The following DRAM2 variants were observed in gnomAD, a reference collection of about 807,000 sequenced individuals.
The protein encoded by DRAM2 is DNA damage regulated autophagy modulator 2, also known as DNA damage-regulated autophagy modulator protein 2.
DRAM2 carries 26 observed loss-of-function variants against 33.5 expected under a neutral mutation model. The ratio of observed to expected loss-of-function variants is 0.78; its 90% CI spans 0.57 to 1.08. The LOEUF (loss-of-function observed/expected upper bound fraction) is 1.08. Among genes scored for constraint, DRAM2 ranks in the 50% least tolerant of loss-of-function variants. The pLI, the probability that DRAM2 is intolerant of heterozygous loss-of-function variation, is 0.00. For synonymous variants in DRAM2, 98 were observed against 109.5 expected (o/e 0.89, Z 0.66); for missense variants, 311 against 318.1 (o/e 0.98, Z 0.17).
chr1:111,128,951 A>C (rs555074421), intron 4 of DRAM2, among the ~76,000 whole-genome samples: 9 of 152,336 alleles, frequency 5.9e-5, no homozygotes, highest in African/African-American at 2.2e-4. Flanking sequence ...TAGGCTACAT[A>C]TTCCACTAGC....
Position 111,126,120 on chromosome 1 carries a change from C to G in DRAM2, c.199+107G>C, listed in dbSNP as rs537617366. 12 of 700,878 alleles carry G rather than the reference C, an allele frequency of 1.7e-5. 1 individual carries two copies. The highest frequency in any genetic ancestry group is 5.9e-4 in the Middle Eastern group (2 of 3,410). 43.4% of individuals were successfully genotyped at this position (700,878 alleles called of 1,614,324 possible). ...TGATCAATTATTTAGTGATAACATACTCTCAAGTATAACTAGAAAGTAAAA... is the reference window on the plus strand; with the variant it reads ...TGATCAATTATTTAGTGATAACATAGTCTCAAGTATAACTAGAAAGTAAAA... On this transcript the variant is annotated intron_variant, in intron 5 of 9. Transcript: ENST00000484310.
At chr1:111,121,419 C>T (rs56273356) in intron 6 of DRAM2, among the ~76,000 whole-genome samples, 26,365 of 151,850 alleles carry the variant, frequency 0.17, 2,722 homozygotes, top group South Asian at 0.32. Flanking sequence ...TCTGGCCTCC[C>T]GAACTTTGAC....
At chr1:111,131,297 T>G (rs1652022311) in intron 4 of DRAM2, 127 bp downstream of exon 4, 2 of 1,026,850 alleles carry the variant, frequency 1.9e-6, no homozygotes, top group South Asian at 2.1e-5. Flanking sequence ...CTTTTTATAT[T>G]CCCTTTATTG....
intron 2 of DRAM2, among the ~76,000 whole-genome samples, chr1:111,138,757 C>G (rs1171090624): frequency 6.6e-6 from 1 of 152,164 alleles, no homozygotes; most frequent in Non-Finnish European, 1.5e-5. Context: ...GCACTCCAGC[C>G]TGGCAACAGA....
At position 111,139,622 on chromosome 1, in the gene DRAM2, A is replaced by C. The variant is rs1654111107; in HGVS notation, c.-200T>G. 2 of 152,252 alleles carry C rather than the reference A, an allele frequency of 1.3e-5. No individual in the cohort carries two copies. The highest frequency in any genetic ancestry group is 4.8e-5 in the African/African-American group (2 of 41,458). The allele number at this position is 152,252 out of a possible 1,614,324, so 9.4% of individuals were successfully genotyped here. A position where few individuals can be genotyped will look rare whatever the true frequency, so the allele number is the denominator to read the frequency against. ...TAATTAGACCGCTGATTTTCTCCGGAAGCGCGAAGCACTAGGCCGTTTGAG... is the reference window on the plus strand; with the variant it reads ...TAATTAGACCGCTGATTTTCTCCGGCAGCGCGAAGCACTAGGCCGTTTGAG... On this transcript the variant is annotated 5_prime_UTR_variant, in exon 2 of 10. Transcript: ENST00000484310.
intron 4 of DRAM2, among the ~76,000 whole-genome samples, chr1:111,130,716 T>A (rs7519518): frequency 0.17 from 22,945 of 137,720 alleles, 2,345 homozygotes; most frequent in South Asian, 0.29. Flanking sequence ...AAAAAAAAGT[T>A]TGGGTGCAGT....
intron 5 of DRAM2, among the ~76,000 whole-genome samples, 161 bp downstream of exon 5, chr1:111,126,066 G>T (rs973411285): frequency 6.6e-6 from 1 of 151,848 alleles, no homozygotes; most frequent in African/African-American, 2.4e-5. Context: ...TTCTAGAAAA[G>T]TGTTTTTCTT....
intron 6 of DRAM2, among the ~76,000 whole-genome samples, chr1:111,124,250 T>G (rs1486963400): frequency 6.6e-6 from 1 of 152,238 alleles, no homozygotes; most frequent in Non-Finnish European, 1.5e-5. Context: ...TTATTTTTCC[T>G]GAGAAAAAGC....
chr1:111,130,480 C>T (rs931765027), intron 4 of DRAM2, among the ~76,000 whole-genome samples: 2 of 152,096 alleles, frequency 1.3e-5, no homozygotes, highest in Non-Finnish European at 2.9e-5. Context: ...CCAAGGCGGG[C>T]AGATCACGAG....
chr1:111,126,412 A>T, intron 4 of DRAM2, 118 bp from the exon 5 acceptor site: 1 of 600,094 alleles, frequency 1.7e-6, no homozygotes, highest in South Asian at 2.4e-5. Context: ...TAAATCCATG[A>T]GTTCAACTCA....
chr1:111,137,177 C>T (rs896101444), intron 3 of DRAM2, among the ~76,000 whole-genome samples: 12 of 150,356 alleles, frequency 8.0e-5, no homozygotes, highest in African/African-American at 2.9e-4. Context: ...GGTGTGAACC[C>T]CGGGGGGCGG....
intron 7 of DRAM2, 114 bp downstream of exon 7, chr1:111,120,381 CAAAAAAAAAAAAAAAAAAAAA>C (rs200318036): frequency 0.24 from 41,262 of 173,372 alleles, 3,423 homozygotes; most frequent in African/African-American, 0.38. Flanking sequence ...ATCTCTCCTA[CAAAAAAAAAAAAAAAAAAAAA>C]AAAAAAAAAA....
Position 111,118,140 on chromosome 1 carries a change from A to G in DRAM2, c.*20T>C, listed in dbSNP as rs777784937. 7 of 1,603,016 alleles carry G rather than the reference A, an allele frequency of 4.4e-6. No homozygotes were observed. The highest frequency in any genetic ancestry group is 2.2e-5 in the South Asian group (2 of 90,860). The stretch of plus-strand genomic sequence containing the variant: ...AATCCCTGAGAATCATAATCATTAC[A>G]GAAATATTTTATCCTTTCATCAAAT... On this transcript the variant is annotated 3_prime_UTR_variant, in exon 10 of 10. Coordinates refer to ENST00000484310, the MANE Select transcript of DRAM2 (RefSeq NM_001349884.2).
chr1:111,136,801 C>T (rs1326784736), intron 3 of DRAM2, among the ~76,000 whole-genome samples: 1 of 152,084 alleles, frequency 6.6e-6, no homozygotes, highest in Admixed American at 6.6e-5. Context: ...GGTGAAACCC[C>T]GTTTCTACTA....
chr1:111,127,127 G>A (rs554814663), intron 4 of DRAM2, among the ~76,000 whole-genome samples: 22 of 152,250 alleles, frequency 1.4e-4, no homozygotes, highest in Non-Finnish European at 2.8e-4. Flanking sequence ...TCACTGTAAG[G>A]ATGAAATGTA....
chr1:111,131,936 T>C (rs969535185), intron 3 of DRAM2, among the ~76,000 whole-genome samples: 47 of 152,334 alleles, frequency 3.1e-4, no homozygotes, highest in Admixed American at 9.8e-4. Flanking sequence ...GTACCTGTGA[T>C]ATTGTGAAAT....
intron 3 of DRAM2, among the ~76,000 whole-genome samples, chr1:111,135,780 C>T (rs561800736): frequency 8.5e-5 from 13 of 152,298 alleles, no homozygotes; most frequent in African/African-American, 2.2e-4. Flanking sequence ...AAATTGAGGA[C>T]GGTGTCTTTA....
chr1:111,137,405 TA>T (rs1408677655), intron 3 of DRAM2, 117 bp downstream of exon 3: 10 of 152,340 alleles, frequency 6.6e-5, no homozygotes, highest in Non-Finnish European at 1.5e-4. Context: ...TATTATCTGT[TA>T]AATAGTATAA....
intron 4 of DRAM2, among the ~76,000 whole-genome samples, chr1:111,129,669 A>G (rs927709639): frequency 6.6e-6 from 1 of 152,296 alleles, no homozygotes; most frequent in East Asian, 1.9e-4. Flanking sequence ...AATCTACCTC[A>G]TATCAACATC....
Sources: allele counts gnomAD v4.1 joint callset (sites outside exome capture counted in the v4.1 genomes callset), GRCh38; gene constraint gnomAD v4.1.1; transcripts MANE v1.5; gene names NCBI Gene and HGNC (gene_info 2026-07-23, HGNC 2026-07-21).